The following SYTL3 variants were observed in gnomAD, a reference collection of about 807,000 sequenced individuals.
SYTL3 encodes synaptotagmin-like protein 3.
SYTL3 carries 88 observed loss-of-function variants against 82.1 expected under a neutral mutation model. That is an observed-to-expected ratio of 1.07 (90% CI 0.90 to 1.28). The LOEUF (loss-of-function observed/expected upper bound fraction) is 1.28. Ranked by LOEUF, SYTL3 falls within the 50% of genes most tolerant of loss-of-function variation. The pLI is 0.00. For missense variants in SYTL3, 831 were observed against 757.6 expected (o/e 1.10, Z -1.14); for synonymous variants, 311 against 289.4 (o/e 1.07, Z -0.76).
chr6:158,680,434 C>T (rs1304484662), intron 5 of SYTL3, among the ~76,000 whole-genome samples: 1 of 152,076 alleles, frequency 6.6e-6, no homozygotes, highest in African/African-American at 2.4e-5. Context: ...ATGGTAATGA[C>T]TGATTACCAA....
intron 2 of SYTL3, among the ~76,000 whole-genome samples, chr6:158,658,588 A>C (rs75367022): frequency 0.1 from 15,397 of 152,222 alleles, 921 homozygotes; most frequent in Non-Finnish European, 0.14. Flanking sequence ...GATCGTTGCA[A>C]AAAGTTACCC....
At chr6:158,759,196 A>AGCAGGTGGCACAGAGCT (rs532445414) in intron 14 of SYTL3, among the ~76,000 whole-genome samples, 46 of 152,166 alleles carry the variant, frequency 3.0e-4, no homozygotes, top group Admixed American at 9.8e-4. Flanking sequence ...GTGGGTGAGG[A>AGCAGGTGGCACAGAGCT]GCAGGTGGCA....
intron 2 of SYTL3, among the ~76,000 whole-genome samples, chr6:158,653,321 A>T (rs981173581): frequency 6.6e-6 from 1 of 152,048 alleles, no homozygotes; most frequent in Non-Finnish European, 1.5e-5. Flanking sequence ...AGCCTGACCA[A>T]CATGAAGAAA....
intron 9 of SYTL3, among the ~76,000 whole-genome samples, chr6:158,714,749 G>C (rs1161532580): frequency 6.6e-6 from 1 of 152,118 alleles, no homozygotes; most frequent in East Asian, 1.9e-4. Context: ...GTTTCTGCTC[G>C]GCTTCTCTTC....
At chr6:158,717,130 C>T (rs917231933) in intron 9 of SYTL3, among the ~76,000 whole-genome samples, 25 of 151,296 alleles carry the variant, frequency 1.7e-4, no homozygotes, top group East Asian at 7.8e-4. Context: ...AAAAATTAGC[C>T]GGGCGTGGTG....
chr6:158,725,728 A>G, intron 11 of SYTL3, 91 bp downstream of exon 11: 2 of 1,480,572 alleles, frequency 1.4e-6, no homozygotes, highest in Non-Finnish European at 9.2e-7. Context: ...AATTACTCCT[A>G]TTTGAAGGTC....
At chr6:158,739,833 C>T (rs1008918389) in intron 11 of SYTL3, among the ~76,000 whole-genome samples, 1 of 152,002 alleles carries the variant, frequency 6.6e-6, no homozygotes, top group Non-Finnish European at 1.5e-5. Context: ...CTCTTATACT[C>T]TTTATTTTTC....
chr6:158,701,236 G>T (rs56256245), intron 6 of SYTL3, among the ~76,000 whole-genome samples: 12 of 41,372 alleles, frequency 2.9e-4, no homozygotes, highest in South Asian at 1.1e-3. Context: ...GTGTGAGCTG[G>T]GGTGTAGATG....
chr6:158,761,093 G>C (rs566795784), intron 15 of SYTL3, among the ~76,000 whole-genome samples: 5 of 152,102 alleles, frequency 3.3e-5, no homozygotes, highest in Non-Finnish European at 7.4e-5. Context: ...GTGGAGCCAA[G>C]AGCACTGGTA....
chr6:158,666,467 C>T (rs1790066745), intron 5 of SYTL3, among the ~76,000 whole-genome samples: 1 of 152,140 alleles, frequency 6.6e-6, no homozygotes, highest in Non-Finnish European at 1.5e-5. Context: ...TCCTGCTGTT[C>T]AAAGCAAGAA....
At chr6:158,682,716 G>A (rs191533718) in intron 5 of SYTL3, among the ~76,000 whole-genome samples, 8 of 152,256 alleles carry the variant, frequency 5.3e-5, no homozygotes, top group Non-Finnish European at 2.9e-5. Context: ...AACACATAGC[G>A]GTGGGAGTTG....
At chr6:158,654,924 G>A (rs1035018368) in intron 2 of SYTL3, among the ~76,000 whole-genome samples, 3 of 152,170 alleles carry the variant, frequency 2.0e-5, no homozygotes, top group Admixed American at 1.3e-4. Context: ...GCTGATCGAT[G>A]GAGTGCTGTA....
In SYTL3 at chr6:158,700,606, TTGTA is replaced by T. The variant is rs372578210; in HGVS notation, c.395-6602_395-6599del. On this transcript the variant is annotated intron_variant, in intron 6 of 17. Coordinates refer to ENST00000611299, the MANE Select transcript of SYTL3 (RefSeq NM_001242394.2). ...AAAATAGTGTTGGTTGCTACTGATG[TTGTA>T]TGTATGTATGTATGTATGTATTTTG... Among the ~76,000 whole-genome samples, 206 of 151,896 alleles carry T rather than the reference TTGTA, an allele frequency of 1.4e-3. 1 individual carries two copies. The highest frequency in any genetic ancestry group is 4.6e-4 in the Non-Finnish European group (31 of 67,900).
chr6:158,658,093 T>A (rs987337184), intron 2 of SYTL3, among the ~76,000 whole-genome samples: 12 of 151,966 alleles, frequency 7.9e-5, no homozygotes, highest in Non-Finnish European at 1.6e-4. Flanking sequence ...GGGGTTTCAC[T>A]GTGTTAGCCA....
At chr6:158,670,743 A>G (rs889097385) in intron 5 of SYTL3, among the ~76,000 whole-genome samples, 14 of 152,220 alleles carry the variant, frequency 9.2e-5, no homozygotes, top group South Asian at 4.1e-4. Flanking sequence ...GATCACACCA[A>G]TGCCCTCCAA....
chr6:158,728,639 T>C (rs1181109924), intron 11 of SYTL3, among the ~76,000 whole-genome samples: 1 of 152,200 alleles, frequency 6.6e-6, no homozygotes, highest in Non-Finnish European at 1.5e-5. Context: ...TTCATTCATT[T>C]GTTTATTAAA....
intron 6 of SYTL3, among the ~76,000 whole-genome samples, chr6:158,705,649 G>T (rs1419561608): frequency 1.3e-5 from 2 of 151,274 alleles, no homozygotes; most frequent in South Asian, 2.1e-4. Context: ...GACAGTGAGG[G>T]CTGTAAGGTC....
chr6:158,761,320 T>TTTTTTTAGACGG (rs1789907735), intron 15 of SYTL3, among the ~76,000 whole-genome samples: 1 of 147,040 alleles, frequency 6.8e-6, no homozygotes, highest in Non-Finnish European at 1.5e-5. Context: ...TTTTTTTTTT[T>TTTTTTTAGACGG]GAGACAGAGT....
chr6:158,757,074 C>A, intron 13 of SYTL3, 137 bp from the exon 14 acceptor site: 1 of 655,004 alleles, frequency 1.5e-6, no homozygotes, highest in Non-Finnish European at 2.3e-6. Context: ...GCATCCGCAT[C>A]TTGGACTCAG....
Sources: allele counts gnomAD v4.1 joint callset (sites outside exome capture counted in the v4.1 genomes callset), GRCh38; gene constraint gnomAD v4.1.1; transcripts MANE v1.5; gene names NCBI Gene and HGNC (gene_info 2026-07-23, HGNC 2026-07-21).